KCNIP4: variants seen among roughly 807,000 people sequenced by gnomAD.
The protein encoded by KCNIP4 is potassium voltage-gated channel interacting protein 4.
A neutral mutation model predicts 34.0 loss-of-function variants in KCNIP4; 12 were observed. That is an observed-to-expected ratio of 0.35 (90% confidence interval 0.23 to 0.57). KCNIP4 has a LOEUF of 0.57. Ranked by LOEUF, KCNIP4 falls within the 20% of genes least tolerant of loss-of-function variation. The probability of loss-of-function intolerance (pLI) is 0.83; values close to 1 mark genes in which losing one functional copy is unlikely to be tolerated. For missense variants in KCNIP4, 238 were observed against 311.7 expected (o/e 0.76, Z 1.78); for synonymous variants, 124 against 102.2 (o/e 1.21, Z -1.29).
In KCNIP4 at chr4:20,823,474, G is replaced by A. The variant is rs114000603; in HGVS notation, c.288+27069C>T. Among the ~76,000 whole-genome samples the A allele has an allele frequency of 5.0e-3, 755 of 152,168 alleles. 2 individuals are homozygous for A. The highest frequency in any genetic ancestry group is 0.017 in the African/African-American group (719 of 41,534). On this transcript the variant is annotated intron_variant, in intron 3 of 8. Transcript: ENST00000382152. ...TGAAATTCTAACCCCCAATGTGCTG[G>A]GGTTATGAAGTGGGACCTTTGGGAG... is the stretch of plus-strand genomic sequence containing the variant.
At chr4:20,886,399 G>T (rs1031720487) in intron 1 of KCNIP4, among the ~76,000 whole-genome samples, 1 of 152,194 alleles carries the variant, frequency 6.6e-6, no homozygotes, top group Non-Finnish European at 1.5e-5. Flanking sequence ...GTAGGCCAGG[G>T]TTAAGAGAGA....
At chr4:21,085,846 A>C (rs1477661891) in intron 1 of KCNIP4, among the ~76,000 whole-genome samples, 2 of 152,186 alleles carry the variant, frequency 1.3e-5, no homozygotes, top group African/African-American at 4.8e-5. Flanking sequence ...CTATGAAATG[A>C]CCTTATAATC....
At chr4:21,913,177 T>TA (rs1391339710) in intron 1 of KCNIP4, among the ~76,000 whole-genome samples, 2 of 151,848 alleles carry the variant, frequency 1.3e-5, no homozygotes, top group Non-Finnish European at 2.9e-5. Context: ...ATGTTTCTTA[T>TA]AAAAAAGGGG....
intron 1 of KCNIP4, among the ~76,000 whole-genome samples, chr4:21,480,027 T>G (rs188344631): frequency 1.7e-3 from 260 of 151,414 alleles, no homozygotes; most frequent in Non-Finnish European, 3.1e-3. Context: ...ATATATAAAT[T>G]TAACAGTTTA....
At chr4:21,129,372 C>T (rs895300452) in intron 1 of KCNIP4, among the ~76,000 whole-genome samples, 10 of 152,212 alleles carry the variant, frequency 6.6e-5, no homozygotes, top group African/African-American at 2.2e-4. Context: ...ACACTCAATA[C>T]ACATTGGTTA....
chr4:21,724,326 C>A (rs578194720), intron 1 of KCNIP4, among the ~76,000 whole-genome samples: 5 of 151,962 alleles, frequency 3.3e-5, no homozygotes, highest in Non-Finnish European at 5.9e-5. Flanking sequence ...ATTTTCTTGG[C>A]CTCTCTGAGT....
chr4:20,933,296 G>T (rs1340338777), intron 1 of KCNIP4, among the ~76,000 whole-genome samples: 5 of 151,998 alleles, frequency 3.3e-5, no homozygotes, highest in Admixed American at 3.3e-4. Flanking sequence ...CAAGCTAATT[G>T]TACCAGTGTT....
intron 1 of KCNIP4, among the ~76,000 whole-genome samples, chr4:21,755,780 G>A (rs1033193115): frequency 2.6e-5 from 4 of 152,164 alleles, no homozygotes; most frequent in African/African-American, 9.6e-5. Flanking sequence ...TCAAACACTT[G>A]GTATTAATAT....
chr4:21,752,141 A>G (rs545218749), intron 1 of KCNIP4, among the ~76,000 whole-genome samples: 153 of 152,266 alleles, frequency 1.0e-3, no homozygotes, highest in Admixed American at 8.1e-3. Context: ...CTGCCTTGGA[A>G]GGTGATATAT....
intron 1 of KCNIP4, among the ~76,000 whole-genome samples, chr4:21,556,930 A>AAAAAAAAAAC (rs1739097019): frequency 9.2e-6 from 1 of 108,260 alleles, no homozygotes. Flanking sequence ...CAGAAAAAAA[A>AAAAAAAAAAC]AAAAAAAAAA....
chr4:21,567,371 A>G (rs1407766065), intron 1 of KCNIP4, among the ~76,000 whole-genome samples: 1 of 152,004 alleles, frequency 6.6e-6, no homozygotes, highest in Non-Finnish European at 1.5e-5. Context: ...ACCTCTTTAT[A>G]GGGGTCTAGA....
In KCNIP4 at chr4:21,920,732, A is replaced by G. The variant is rs76826211; in HGVS notation, c.61+27839T>C. 7.8e-3 allele frequency among the ~76,000 whole-genome samples: 1,188 copies of G among 152,314 alleles called. 9 individuals carry two copies. Among genetic ancestry groups the G allele is most frequent in the South Asian group, 0.014 (67 of 4,828 alleles). ...GAGCATCCATGGATTTTGGTATCCA[A>G]TGGAGATCCTATAACCAATCCCCTA... On this transcript the variant is annotated intron_variant, in intron 1 of 8. Transcript: ENST00000382152.
chr4:21,688,335 A>G (rs1397858599), intron 1 of KCNIP4, among the ~76,000 whole-genome samples: 2 of 152,198 alleles, frequency 1.3e-5, no homozygotes, highest in African/African-American at 4.8e-5. Flanking sequence ...CTGAACCAGT[A>G]TATATTCTGC....
chr4:21,342,493 GAC>G (rs1253792305), intron 1 of KCNIP4, among the ~76,000 whole-genome samples: 2 of 152,082 alleles, frequency 1.3e-5, no homozygotes, highest in East Asian at 3.9e-4. Context: ...CATGCCCAAG[GAC>G]ACACAGCTAC....
chr4:21,210,350 A>T (rs984607571), intron 1 of KCNIP4, among the ~76,000 whole-genome samples: 32 of 152,198 alleles, frequency 2.1e-4, no homozygotes, highest in African/African-American at 7.5e-4. Context: ...TCCCTCAGCG[A>T]GATTTTCTGT....
intron 1 of KCNIP4, among the ~76,000 whole-genome samples, chr4:21,300,829 C>T (rs1711586149): frequency 6.6e-6 from 1 of 152,084 alleles, no homozygotes; most frequent in Admixed American, 6.5e-5. Flanking sequence ...TACATAAATT[C>T]TCAAATTTTA....
chr4:20,987,118 C>G (rs952096165), intron 1 of KCNIP4, among the ~76,000 whole-genome samples: 4 of 152,152 alleles, frequency 2.6e-5, no homozygotes, highest in African/African-American at 9.7e-5. Context: ...TATCTAGCGC[C>G]ACTCTTGGAA....
At chr4:21,251,041 G>A (rs1760661696) in intron 1 of KCNIP4, among the ~76,000 whole-genome samples, 1 of 151,820 alleles carries the variant, frequency 6.6e-6, no homozygotes, top group Admixed American at 6.6e-5. Flanking sequence ...GTTCATGACA[G>A]CTTTTTTTAA....
chr4:21,785,803 A>T (rs894095851), intron 1 of KCNIP4, among the ~76,000 whole-genome samples: 1 of 152,130 alleles, frequency 6.6e-6, no homozygotes, highest in African/African-American at 2.4e-5. Context: ...TTTGTTGCAA[A>T]CAATATTTCA....
Sources: allele counts gnomAD v4.1 joint callset (sites outside exome capture counted in the v4.1 genomes callset), GRCh38; gene constraint gnomAD v4.1.1; transcripts MANE v1.5; gene names NCBI Gene and HGNC (gene_info 2026-07-23, HGNC 2026-07-21).